The following TNFRSF11B variants were observed in gnomAD, a reference collection of about 807,000 sequenced individuals.
TNFRSF11B encodes tumor necrosis factor receptor superfamily member 11B.
A neutral mutation model predicts 43.4 loss-of-function variants in TNFRSF11B; 16 were observed. That is an observed-to-expected ratio of 0.37 (90% confidence interval 0.25 to 0.56). The LOEUF (loss-of-function observed/expected upper bound fraction) is 0.56. Ranked by LOEUF, TNFRSF11B falls within the 20% of genes least tolerant of loss-of-function variation. TNFRSF11B has a pLI of 0.80. For missense variants in TNFRSF11B, 444 were observed against 490.1 expected, an observed-to-expected ratio of 0.91 and a Z score of 0.89; for synonymous variants, 185 against 181.8, an observed-to-expected ratio of 1.02 and a Z score of -0.14.
rs1025146409 is a variant in TNFRSF11B at position 118,929,220 on chromosome 8, G to A, written c.401-291C>T. 6 of 458,066 alleles carry A rather than the reference G, an allele frequency of 1.3e-5. No homozygotes were observed. In the East Asian group the frequency reaches 2.6e-4, roughly 20 times the overall value. 28.4% of individuals were successfully genotyped at this position (458,066 alleles called of 1,614,324 possible). ...GGAAAGAAGGGTAGGGTGTTCATTA[G>A]TCCAGCCTCCGCTGAGTGGCAGTAA... On this transcript the variant is annotated intron_variant, in intron 2 of 4. Transcript: ENST00000297350.
chr8:118,940,684 A>T (rs1296038266), intron 1 of TNFRSF11B, among the ~76,000 whole-genome samples: 1 of 152,214 alleles, frequency 6.6e-6, no homozygotes, highest in Non-Finnish European at 1.5e-5. Context: ...GACATTTTAA[A>T]GGTTCTTGTT....
chr8:118,928,638 G>T, intron 3 of TNFRSF11B, 100 bp downstream of exon 3: 1 of 1,314,908 alleles, frequency 7.6e-7, no homozygotes, highest in Non-Finnish European at 1.1e-6. Flanking sequence ...AAGGGAAAAT[G>T]TAAGTTTGAC....
In TNFRSF11B at chr8:118,928,891, C is replaced by T. The variant is rs1563689151; in HGVS notation, c.439G>A (p.Asp147Asn). ...ERNTVCKRCP[D>N]GFFSNETSSK... ...GACGTCTCATTTGAGAAGAACCCAT[C>T]TGGACATCTTTTGCAAACTGTATTT... is the stretch of plus-strand genomic sequence containing the variant. Residue 147 changes from aspartate (D) to asparagine (N), a missense_variant, in exon 3 of 5, where the codon GAT becomes AAT. By Grantham distance (23) the Asp-to-Asn change is conservative. Coordinates refer to ENST00000297350, the MANE Select transcript of TNFRSF11B (RefSeq NM_002546.4). The T allele has an allele frequency of 6.2e-7, 1 of 1,614,196 alleles. No individual in the cohort carries two copies. The highest frequency in any genetic ancestry group is 1.1e-5 in the South Asian group (1 of 91,082).
chr8:118,946,214 C>T (rs747270098), intron 1 of TNFRSF11B, among the ~76,000 whole-genome samples: 2 of 152,060 alleles, frequency 1.3e-5, no homozygotes, highest in Non-Finnish European at 2.9e-5. Flanking sequence ...GGAAATTATG[C>T]CAACTTGTAG....
At position 118,926,502 on chromosome 8, in the gene TNFRSF11B, ATCT is replaced by A. The variant is rs1396658855; in HGVS notation, c.806_808del (p.Lys269del). The A allele has an allele frequency of 8.1e-6, 13 of 1,612,712 alleles. No homozygotes were observed. Among genetic ancestry groups the A allele is most frequent in the Non-Finnish European group, 1.1e-5 (13 of 1,178,974 alleles). The stretch of plus-strand genomic sequence containing the variant: ...ATTTTAGATTATCATACCTTGGATG[ATCT>A]TCTTGACTATATCTTGGTCTTTGTT... On this transcript the variant is annotated inframe_deletion, in exon 4 of 5. Transcript: ENST00000297350.
chr8:118,941,230 C>T (rs1237247170), intron 1 of TNFRSF11B, among the ~76,000 whole-genome samples: 1 of 152,134 alleles, frequency 6.6e-6, no homozygotes, highest in African/African-American at 2.4e-5. Context: ...AAAGAGCAGA[C>T]AATTCATGGG....
chr8:118,932,584 G>C (rs1812344482), intron 2 of TNFRSF11B, among the ~76,000 whole-genome samples: 1 of 151,460 alleles, frequency 6.6e-6, no homozygotes, highest in Admixed American at 6.6e-5. Context: ...AAGTGCTGCA[G>C]TTTGAAGGTG....
intron 3 of TNFRSF11B, among the ~76,000 whole-genome samples, chr8:118,927,202 C>G (rs934197542): frequency 6.6e-6 from 1 of 152,142 alleles, no homozygotes; most frequent in Non-Finnish European, 1.5e-5. Context: ...GAGATAGATA[C>G]AGATATATAA....
chr8:118,929,111 C>CT (rs1305027267), intron 2 of TNFRSF11B, 182 bp from the exon 3 acceptor site: 9 of 623,570 alleles, frequency 1.4e-5, no homozygotes, highest in Non-Finnish European at 2.5e-5. Flanking sequence ...CCATCATCCC[C>CT]TTTGGCAGTT....
intron 2 of TNFRSF11B, among the ~76,000 whole-genome samples, chr8:118,930,051 A>C (rs1004014691): frequency 6.6e-5 from 10 of 152,196 alleles, no homozygotes; most frequent in African/African-American, 2.4e-4. Context: ...GACCTGCAAA[A>C]ATGACAAAGG....
chr8:118,944,816 G>T (rs1563693754), intron 1 of TNFRSF11B, among the ~76,000 whole-genome samples: 1 of 152,040 alleles, frequency 6.6e-6, no homozygotes, highest in Non-Finnish European at 1.5e-5. Flanking sequence ...GTACTTCCTT[G>T]TGAATACAAA....
At chr8:118,940,079 G>T (rs1396023681) in intron 1 of TNFRSF11B, among the ~76,000 whole-genome samples, 2 of 152,100 alleles carry the variant, frequency 1.3e-5, no homozygotes, top group African/African-American at 4.8e-5. Flanking sequence ...CTATCACAAG[G>T]ACAGAAAACA....
Position 118,935,469 on chromosome 8 carries a change from G to A in TNFRSF11B, c.31-2169C>T, listed in dbSNP as rs539692098. On this transcript the variant is annotated intron_variant, in intron 1 of 4. Coordinates refer to ENST00000297350, the MANE Select transcript of TNFRSF11B (RefSeq NM_002546.4). ...ATAAGTGAAGAAATAATTACAGCAA[G>A]TAATTACAAATAATGATCAAAGTAA... Among the ~76,000 whole-genome samples, 4 of 152,230 alleles carry A rather than the reference G, an allele frequency of 2.6e-5. No homozygotes were observed. The East Asian group carries it at 7.7e-4, about 29-fold the overall frequency.
intron 1 of TNFRSF11B, among the ~76,000 whole-genome samples, chr8:118,935,806 C>A (rs1459043504): frequency 1.5e-5 from 2 of 129,720 alleles, no homozygotes; most frequent in Non-Finnish European, 3.7e-5. Context: ...CTTAGAGATC[C>A]AGAGGGATTC....
intron 1 of TNFRSF11B, among the ~76,000 whole-genome samples, chr8:118,933,819 C>A (rs1417747937): frequency 6.6e-6 from 1 of 152,150 alleles, no homozygotes; most frequent in Non-Finnish European, 1.5e-5. Context: ...ACTAAATAAT[C>A]ATCTCTTAAT....
intron 1 of TNFRSF11B, among the ~76,000 whole-genome samples, chr8:118,933,640 G>C (rs1348449727): frequency 2.0e-5 from 3 of 152,178 alleles, no homozygotes; most frequent in Admixed American, 2.0e-4. Context: ...CTCTAGGTGA[G>C]TGAGTTGGAT....
At chr8:118,944,075 G>A (rs1037245841) in intron 1 of TNFRSF11B, among the ~76,000 whole-genome samples, 7 of 152,264 alleles carry the variant, frequency 4.6e-5, no homozygotes, top group African/African-American at 1.7e-4. Context: ...GTTCTTTGCA[G>A]TTGCTTACCC....
At chr8:118,925,696 C>A (rs1563688055) in intron 4 of TNFRSF11B, among the ~76,000 whole-genome samples, 1 of 152,172 alleles carries the variant, frequency 6.6e-6, no homozygotes. Context: ...TTCTCACTGA[C>A]CCTGTCTGCA....
At chr8:118,948,446 A>G (rs532430660) in intron 1 of TNFRSF11B, among the ~76,000 whole-genome samples, 4 of 152,298 alleles carry the variant, frequency 2.6e-5, no homozygotes, top group Admixed American at 2.6e-4. Flanking sequence ...AAAACCCAGC[A>G]GGCAAGTTAG....
Sources: allele counts gnomAD v4.1 joint callset (sites outside exome capture counted in the v4.1 genomes callset), GRCh38; gene constraint gnomAD v4.1.1; transcripts MANE v1.5; gene names NCBI Gene and HGNC (gene_info 2026-07-23, HGNC 2026-07-21).